The following NPAS3 variants were observed in gnomAD, a reference collection of about 807,000 sequenced individuals.
The protein encoded by NPAS3 is neuronal PAS domain-containing protein 3.
Under a neutral mutation model 73.1 loss-of-function variants are expected in NPAS3, and 14 were observed. The ratio of observed to expected loss-of-function variants is 0.19; its 90% CI spans 0.13 to 0.30. NPAS3 has a LOEUF of 0.30. Among genes scored for constraint, NPAS3 ranks in the 10% least tolerant of loss-of-function variants. NPAS3 has a pLI of 1.00. For missense variants in NPAS3, 1,096 were observed against 1,250.0 expected (o/e 0.88, Z 1.86); for synonymous variants, 620 against 541.5 (o/e 1.14, Z -2.01).
intron 2 of NPAS3, among the ~76,000 whole-genome samples, chr14:33,113,917 G>GAGAT (rs1265021725): frequency 1.3e-5 from 2 of 152,288 alleles, no homozygotes; most frequent in Admixed American, 6.5e-5. Flanking sequence ...TGCATCTATT[G>GAGAT]AGATAATCAT....
intron 3 of NPAS3, among the ~76,000 whole-genome samples, chr14:33,359,692 G>A (rs1470080989): frequency 6.6e-6 from 1 of 152,108 alleles, no homozygotes; most frequent in Non-Finnish European, 1.5e-5. Flanking sequence ...GTATTTGTAG[G>A]GAAGATAATT....
At chr14:33,631,066 C>G (rs530793134) in intron 5 of NPAS3, among the ~76,000 whole-genome samples, 2 of 152,308 alleles carry the variant, frequency 1.3e-5, no homozygotes, top group East Asian at 3.9e-4. Context: ...CCCTGAGCAT[C>G]CAGCTTCTTC....
chr14:33,044,881 C>CT (rs954394965), intron 1 of NPAS3, among the ~76,000 whole-genome samples: 3 of 152,154 alleles, frequency 2.0e-5, no homozygotes, highest in African/African-American at 7.2e-5. Flanking sequence ...TGGAGTTTCT[C>CT]TTTCATTTAT....
At chr14:33,612,623 G>A (rs1485948201) in intron 5 of NPAS3, 6 of 391,414 alleles carry the variant, frequency 1.5e-5, no homozygotes, top group African/African-American at 4.2e-5. Flanking sequence ...CAGAGTGAGG[G>A]GTGCTGGAGG....
intron 2 of NPAS3, among the ~76,000 whole-genome samples, chr14:33,115,331 G>C (rs1372509020): frequency 1.3e-5 from 2 of 152,164 alleles, no homozygotes; most frequent in Non-Finnish European, 2.9e-5. Flanking sequence ...GGTAGGTGCA[G>C]TGAATTCAGG....
intron 3 of NPAS3, among the ~76,000 whole-genome samples, chr14:33,215,988 T>A (rs2047209379): frequency 6.6e-6 from 1 of 152,234 alleles, no homozygotes; most frequent in Non-Finnish European, 1.5e-5. Flanking sequence ...GCAGTTACTC[T>A]TACAACTTAG....
chr14:33,671,373 A>T (rs1179530333), intron 5 of NPAS3, among the ~76,000 whole-genome samples: 2 of 152,160 alleles, frequency 1.3e-5, no homozygotes, highest in South Asian at 4.1e-4. Context: ...TGTACAATAT[A>T]TTTACATTTT....
chr14:33,287,790 G>C (rs2041938250), intron 3 of NPAS3, among the ~76,000 whole-genome samples: 2 of 152,142 alleles, frequency 1.3e-5, no homozygotes, highest in Admixed American at 6.5e-5. Flanking sequence ...ATACAAACTA[G>C]AGCAGGGTGA....
chr14:33,446,045 G>A (rs2139329006), intron 4 of NPAS3, among the ~76,000 whole-genome samples: 1 of 151,302 alleles, frequency 6.6e-6, no homozygotes, highest in South Asian at 2.1e-4. Flanking sequence ...CTCAATGATA[G>A]CTTCAATTCT....
intron 1 of NPAS3, among the ~76,000 whole-genome samples, chr14:32,990,169 A>G (rs2038273618): frequency 6.6e-6 from 1 of 152,238 alleles, no homozygotes. Context: ...GTCTTCCATG[A>G]AAACGTGAAA....
intron 4 of NPAS3, among the ~76,000 whole-genome samples, chr14:33,435,270 A>G (rs193241695): frequency 5.3e-5 from 8 of 152,346 alleles, no homozygotes; most frequent in Admixed American, 3.3e-4. Context: ...AAGATTGGCT[A>G]AAAAGTTTTA....
At chr14:33,235,458 G>A (rs2139799212) in intron 3 of NPAS3, among the ~76,000 whole-genome samples, 1 of 152,162 alleles carries the variant, frequency 6.6e-6, no homozygotes, top group African/African-American at 2.4e-5. Context: ...TGTGGTAAGA[G>A]TGAAATCAAC....
At position 33,795,540 on chromosome 14, in the gene NPAS3, A is replaced by T. The variant is rs77525759; in HGVS notation, c.1301+1496A>T. ...TTTTGCTAGGCAAAATGATATTGTGACAAGGAGACCCATCACCAGTAAGAA... is the reference window on the plus strand; with the variant it reads ...TTTTGCTAGGCAAAATGATATTGTGTCAAGGAGACCCATCACCAGTAAGAA... On this transcript the variant is annotated intron_variant, in intron 10 of 11. Transcript: ENST00000356141. 3.6e-3 allele frequency among the ~76,000 whole-genome samples: 554 copies of T among 152,354 alleles called. 5 individuals carry two copies. The highest frequency in any genetic ancestry group is 0.012 in the African/African-American group (519 of 41,578).
chr14:33,768,649 T>A (rs776667985), intron 7 of NPAS3, among the ~76,000 whole-genome samples: 3 of 152,154 alleles, frequency 2.0e-5, no homozygotes, highest in Non-Finnish European at 4.4e-5. Context: ...GTAGGCATCA[T>A]TGCCTGATTC....
At chr14:33,073,434 C>A (rs2041552653) in intron 2 of NPAS3, among the ~76,000 whole-genome samples, 1 of 152,012 alleles carries the variant, frequency 6.6e-6, no homozygotes, top group African/African-American at 2.4e-5. Flanking sequence ...TAAATCAGGG[C>A]AAGGAGATAG....
intron 5 of NPAS3, among the ~76,000 whole-genome samples, chr14:33,573,402 T>A (rs928878613): frequency 3.9e-5 from 6 of 152,168 alleles, no homozygotes; most frequent in Admixed American, 6.5e-5. Context: ...GTAGTAAGTC[T>A]CAAGTATTTT....
intron 4 of NPAS3, among the ~76,000 whole-genome samples, chr14:33,408,654 A>T (rs2047775836): frequency 6.6e-6 from 1 of 152,212 alleles, no homozygotes; most frequent in African/African-American, 2.4e-5. Flanking sequence ...ATTACTGTTA[A>T]TAGCAGCACA....
intron 4 of NPAS3, among the ~76,000 whole-genome samples, chr14:33,436,647 G>A (rs1429999280): frequency 3.3e-5 from 5 of 152,190 alleles, no homozygotes; most frequent in Admixed American, 3.3e-4. Context: ...GTCAGTGCAT[G>A]TATTTAAATT....
At chr14:33,692,352 G>A (rs973281189) in intron 6 of NPAS3, among the ~76,000 whole-genome samples, 4 of 152,056 alleles carry the variant, frequency 2.6e-5, no homozygotes, top group African/African-American at 7.2e-5. Flanking sequence ...AAAATGTTTC[G>A]AAAAGATTAA....
Sources: allele counts gnomAD v4.1 joint callset (sites outside exome capture counted in the v4.1 genomes callset), GRCh38; gene constraint gnomAD v4.1.1; transcripts MANE v1.5; gene names NCBI Gene and HGNC (gene_info 2026-07-23, HGNC 2026-07-21).